The following ACYP2 variants were observed in gnomAD, a reference collection of about 807,000 sequenced individuals.
The protein encoded by ACYP2 is acylphosphatase-2.
A neutral mutation model predicts 11.2 loss-of-function variants in ACYP2; 12 were observed. The ratio of observed to expected loss-of-function variants is 1.08; its 90% CI spans 0.69 to 1.74. The LOEUF is 1.74. Among genes scored for constraint, ACYP2 ranks in the 40% most tolerant of loss-of-function variants. The pLI, the probability that ACYP2 is intolerant of heterozygous loss-of-function variation, is 0.00. For synonymous variants in ACYP2, 43 were observed against 32.2 expected (o/e 1.33, Z -1.13); for missense variants, 134 against 101.9 (o/e 1.31, Z -1.35).
rs1311833610 is a variant in ACYP2, at chr2:54,061,195, T to A, written c.277+3835T>A. On this transcript the variant is annotated intron_variant, in intron 4 of 6. Transcript: ENST00000607452. ...AGCTGGAAGTTCCTTATTGGTTTTTTATTTTGGCAATCCAACTTTTGGATA... is the reference window on the plus strand; with the variant it reads ...AGCTGGAAGTTCCTTATTGGTTTTTAATTTTGGCAATCCAACTTTTGGATA... 2.6e-5 allele frequency among the ~76,000 whole-genome samples: 4 copies of A among 152,358 alleles called. No individual in the cohort carries two copies. The East Asian group carries it at 7.7e-4, about 29-fold the overall frequency.
intron 4 of ACYP2, among the ~76,000 whole-genome samples, chr2:54,058,771 T>C (rs187961693): frequency 4.0e-4 from 61 of 150,636 alleles, no homozygotes; most frequent in Admixed American, 2.3e-3. Context: ...TTGGAGTATA[T>C]ATTGGTCTTA....
At chr2:53,987,720 A>C (rs991231758) in intron 2 of ACYP2, among the ~76,000 whole-genome samples, 2 of 152,188 alleles carry the variant, frequency 1.3e-5, no homozygotes, top group African/African-American at 4.8e-5. Flanking sequence ...GCATTCTTCT[A>C]ATGAGTAATG....
At chr2:54,059,535 A>G (rs1282588636) in intron 4 of ACYP2, among the ~76,000 whole-genome samples, 1 of 152,118 alleles carries the variant, frequency 6.6e-6, no homozygotes, top group Non-Finnish European at 1.5e-5. Flanking sequence ...TTTTCTATCA[A>G]TTCAACCAAA....
chr2:54,219,881 GTA>G lies in ACYP2; in HGVS notation c.404+81157_404+81158del, dbSNP rs869248101. ...GATGTGTGTGTGTGTGTGTGTGTGT[GTA>G]TATATATATATATATATATATATTT... On this transcript the variant is annotated intron_variant, in intron 6 of 6. Transcript: ENST00000607452. Among the ~76,000 whole-genome samples the G allele has an allele frequency of 7.8e-4, 78 of 99,472 alleles. 1 individual carries two copies. Among genetic ancestry groups the G allele is most frequent in the Middle Eastern group, 0.013 (2 of 154 alleles). 65.3% of individuals were successfully genotyped at this position (99,472 alleles called of 152,430 possible).
chr2:54,190,326 C>G (rs966841737), intron 6 of ACYP2, among the ~76,000 whole-genome samples: 3 of 152,106 alleles, frequency 2.0e-5, no homozygotes, highest in Non-Finnish European at 4.4e-5. Context: ...AGACCTCTGT[C>G]TTCTTCACAT....
rs1168917459 is a variant in ACYP2, at chr2:54,195,794, GTTTTTTTT to G, written c.404+57060_404+57067del. On this transcript the variant is annotated intron_variant, in intron 6 of 6. Transcript: ENST00000607452. The stretch of plus-strand genomic sequence containing the variant: ...GTACATTGTCATCGTTTTGTTGTGG[GTTTTTTTT>G]TTTTTTTTTTTTTGAGACAGAGTTT... 8.5e-4 allele frequency among the ~76,000 whole-genome samples: 71 copies of G among 83,150 alleles called. 1 individual carries two copies. The highest frequency in any genetic ancestry group is 2.8e-3 in the African/African-American group (57 of 20,130). The allele number at this position is 83,150 out of a possible 152,430, so 54.5% of individuals were successfully genotyped here.
rs1364659648 is a variant in ACYP2, at chr2:54,142,658, G to GGTTGCAATGAGAT, written c.404+3912_404+3924dup. The GGTTGCAATGAGAT allele has an allele frequency of 3.9e-5, 6 of 152,278 alleles. No homozygotes were observed. In the East Asian group the frequency reaches 1.2e-3, roughly 29 times the overall value. The allele number at this position is 152,278 out of a possible 1,614,324, so 9.4% of individuals were successfully genotyped here. On this transcript the variant is annotated intron_variant, in intron 6 of 6. Coordinates refer to ENST00000607452, the MANE Select transcript of ACYP2 (RefSeq NM_001320586.2). ...GAATCGCTTGAGTCTGGGAGGCAGA[G>GGTTGCAATGAGAT]GTTGCAATGAGATGAGATTGCACCA...
intron 2 of ACYP2, among the ~76,000 whole-genome samples, chr2:53,979,841 G>C (rs979743875): frequency 3.3e-5 from 5 of 151,554 alleles, no homozygotes; most frequent in African/African-American, 9.7e-5. Flanking sequence ...TTAGAGGCTT[G>C]TGCCACCCTG....
intron 4 of ACYP2, among the ~76,000 whole-genome samples, chr2:54,131,608 GA>G (rs905154767): frequency 1.3e-5 from 2 of 151,926 alleles, no homozygotes; most frequent in African/African-American, 4.8e-5. Flanking sequence ...TCTGACTTGT[GA>G]AAAAAAGGTG....
intron 6 of ACYP2, among the ~76,000 whole-genome samples, chr2:54,168,294 G>A (rs1572882204): frequency 6.6e-6 from 1 of 152,080 alleles, no homozygotes; most frequent in African/African-American, 2.4e-5. Context: ...AGGCGTGGTG[G>A]TACATGCCTG....
chr2:54,157,531 T>A (rs1353279323), intron 6 of ACYP2, among the ~76,000 whole-genome samples: 1 of 152,238 alleles, frequency 6.6e-6, no homozygotes, highest in Non-Finnish European at 1.5e-5. Flanking sequence ...CTTGTATACA[T>A]AATATGTGTA....
intron 2 of ACYP2, among the ~76,000 whole-genome samples, chr2:53,992,439 G>T (rs1187798208): frequency 6.6e-6 from 1 of 152,196 alleles, no homozygotes; most frequent in Non-Finnish European, 1.5e-5. Context: ...AAAGTACTGT[G>T]ACTAATTAGG....
intron 6 of ACYP2, among the ~76,000 whole-genome samples, chr2:54,214,545 GC>G (rs1403095830): frequency 2.0e-5 from 3 of 152,162 alleles, no homozygotes; most frequent in Non-Finnish European, 4.4e-5. Flanking sequence ...AGATCAGATG[GC>G]TGAACATGTG....
chr2:54,066,067 C>T (rs573405068), intron 4 of ACYP2: 1 of 152,330 alleles, frequency 6.6e-6, no homozygotes, highest in African/African-American at 2.4e-5. Context: ...TCCCTCCATA[C>T]CCCATGTGTT....
chr2:54,062,643 C>T (rs761867931), intron 4 of ACYP2, among the ~76,000 whole-genome samples: 1 of 152,168 alleles, frequency 6.6e-6, no homozygotes, highest in Non-Finnish European at 1.5e-5. Context: ...GTCTGCTGTG[C>T]ATTATGGTTT....
At chr2:54,288,724 G>A (rs11680886) in intron 6 of ACYP2, among the ~76,000 whole-genome samples, 22,287 of 151,874 alleles carry the variant, frequency 0.15, 1,901 homozygotes, top group African/African-American at 0.21. Context: ...CCGATGTAAC[G>A]GTGCCTTGTA....
At chr2:54,054,988 C>A (rs571931641) in intron 3 of ACYP2, among the ~76,000 whole-genome samples, 2 of 152,250 alleles carry the variant, frequency 1.3e-5, no homozygotes, top group African/African-American at 4.8e-5. Flanking sequence ...TACTTACTAA[C>A]TTTTCCTCAT....
At position 54,300,145 on chromosome 2, in the gene ACYP2, C is replaced by T. The variant is rs534138781; in HGVS notation, c.405-4543C>T. Among the ~76,000 whole-genome samples the T allele has an allele frequency of 9.2e-5, 14 of 152,246 alleles. No individual in the cohort carries two copies. The East Asian group carries it at 9.6e-4, about 10-fold the overall frequency. On this transcript the variant is annotated intron_variant, in intron 6 of 6. Coordinates refer to ENST00000607452, the MANE Select transcript of ACYP2 (RefSeq NM_001320586.2). The stretch of plus-strand genomic sequence containing the variant: ...CTCTTCCATACAGAGAAAATATGTC[C>T]TCTTTTCTATACCTAATGAGTCCAC...
intron 6 of ACYP2, among the ~76,000 whole-genome samples, chr2:54,152,077 A>G (rs1218778823): frequency 6.8e-6 from 1 of 147,464 alleles, no homozygotes. Flanking sequence ...TTGATATATT[A>G]TTAATAACTA....
Sources: allele counts gnomAD v4.1 joint callset (sites outside exome capture counted in the v4.1 genomes callset), GRCh38; gene constraint gnomAD v4.1.1; transcripts MANE v1.5; gene names NCBI Gene and HGNC (gene_info 2026-07-23, HGNC 2026-07-21).